LHFPL5: variants seen among roughly 807,000 people sequenced by gnomAD.
LHFPL5 encodes LHFPL tetraspan subfamily member 5.
A neutral mutation model predicts 18.7 loss-of-function variants in LHFPL5; 12 were observed. The observed-to-expected ratio is 0.64, with a 90% CI of 0.41 to 1.04. The LOEUF is 1.04. LHFPL5 is among the 50% of genes least tolerant of loss of function. LHFPL5 has a pLI of 0.00. For synonymous variants in LHFPL5, 111 were observed against 120.2 expected (o/e 0.92, Z 0.50); for missense variants, 259 against 292.1 (o/e 0.89, Z 0.83).
chr6:35,805,363 T>C lies in LHFPL5; in HGVS notation c.-308T>C, dbSNP rs1182478764. The C allele has an allele frequency of 1.4e-5, 5 of 366,266 alleles. No individual in the cohort carries two copies. Among genetic ancestry groups the C allele is most frequent in the South Asian group, 3.0e-5 (1 of 32,976 alleles). 22.7% of individuals were successfully genotyped at this position (366,266 alleles called of 1,614,324 possible). ...GAGGGGGCGGGGCTCTCGGGAGCCGTGAGCCGGGAAGAGGGAGACGGGCAG... is the reference window on the plus strand; with the variant it reads ...GAGGGGGCGGGGCTCTCGGGAGCCGCGAGCCGGGAAGAGGGAGACGGGCAG... On this transcript the variant is annotated 5_prime_UTR_variant, in exon 1 of 4. Transcript: ENST00000360215. The surrounding 1 kb of genome is among the most constrained non-coding windows in gnomAD (Gnocchi z 4.3).
At chr6:35,813,027 C>T (rs1768693071) in intron 1 of LHFPL5, among the ~76,000 whole-genome samples, 1 of 151,928 alleles carries the variant, frequency 6.6e-6, no homozygotes, top group Non-Finnish European at 1.5e-5. Flanking sequence ...TGCACTCCAG[C>T]CTGGGCGACA....
Position 35,814,859 on chromosome 6 carries a change from C to G in LHFPL5, c.649+77C>G. ...GGGTGGGGGTTCATCTTAGCCAGTCCTCTAAGGCTTGGTCCCTGGCCAAGG... is the reference window on the plus strand; with the variant it reads ...GGGTGGGGGTTCATCTTAGCCAGTCGTCTAAGGCTTGGTCCCTGGCCAAGG... On this transcript the variant is annotated intron_variant, in intron 2 of 3. Coordinates refer to ENST00000360215, the MANE Select transcript of LHFPL5 (RefSeq NM_182548.4). The surrounding 1 kb of genome is among the most constrained non-coding windows in gnomAD (Gnocchi z 4.2). 7.5e-7 allele frequency: 1 copy of G among 1,325,990 alleles called. No homozygotes were observed. The highest frequency in any genetic ancestry group is 1.1e-6 in the Non-Finnish European group (1 of 918,776). The allele number at this position is 1,325,990 out of a possible 1,614,324, so 82.1% of individuals were successfully genotyped here.
intron 1 of LHFPL5, among the ~76,000 whole-genome samples, chr6:35,808,342 A>G (rs961425757): frequency 6.8e-6 from 1 of 146,360 alleles, no homozygotes; most frequent in African/African-American, 2.5e-5. Context: ...AATAAATAAT[A>G]TATATAAATA....
chr6:35,821,166 T>C (rs1271573693), intron 3 of LHFPL5, among the ~76,000 whole-genome samples: 1 of 152,002 alleles, frequency 6.6e-6, no homozygotes, highest in Non-Finnish European at 1.5e-5. Flanking sequence ...TAGCTGGGTG[T>C]GGTGGCATGC....
At chr6:35,806,971 C>T (rs116390945) in intron 1 of LHFPL5, among the ~76,000 whole-genome samples, 2 of 152,076 alleles carry the variant, frequency 1.3e-5, no homozygotes, top group South Asian at 2.1e-4. Context: ...ACTCCAGGTG[C>T]GCACCACCAT....
rs1393599562 is a variant in LHFPL5, at chr6:35,823,414, C to CATATATAT, written c.*450_*451insTATATATA. 1.6e-5 allele frequency: 2 copies of CATATATAT among 124,174 alleles called. No homozygotes were observed. Among genetic ancestry groups the CATATATAT allele is most frequent in the African/African-American group, 6.4e-5 (2 of 31,122 alleles). The allele number at this position is 124,174 out of a possible 1,614,324, so 7.7% of individuals were successfully genotyped here. On this transcript the variant is annotated 3_prime_UTR_variant, in exon 4 of 4. Coordinates refer to ENST00000360215, the MANE Select transcript of LHFPL5 (RefSeq NM_182548.4). ...ACACACACACACACACACACACACA[C>CATATATAT]ACACACACACATACATACACACACA...
At position 35,816,034 on chromosome 6, in the gene LHFPL5, G is replaced by T. The variant is rs1048481805; in HGVS notation, c.649+1252G>T. 2.6e-5 allele frequency among the ~76,000 whole-genome samples: 4 copies of T among 152,122 alleles called. No individual in the cohort carries two copies. The South Asian group carries it at 6.2e-4, about 24-fold the overall frequency. On this transcript the variant is annotated intron_variant, in intron 2 of 3. Coordinates refer to ENST00000360215, the MANE Select transcript of LHFPL5 (RefSeq NM_182548.4). ...AAAATACAAAAAATTAGCCGGGTGCGGTGGCGGGCGCCTGTAGTCCCAGCT... is the reference window on the plus strand; with the variant it reads ...AAAATACAAAAAATTAGCCGGGTGCTGTGGCGGGCGCCTGTAGTCCCAGCT...
chr6:35,816,540 A>T (rs1768764532), intron 2 of LHFPL5, among the ~76,000 whole-genome samples: 1 of 152,086 alleles, frequency 6.6e-6, no homozygotes, highest in African/African-American at 2.4e-5. Flanking sequence ...GGCTGGGTGC[A>T]GAGGCTTATG....
Position 35,805,526 on chromosome 6 carries a change from T to C in LHFPL5, c.-145T>C, listed in dbSNP as rs1768553335. 1.3e-6 allele frequency: 1 copy of C among 754,522 alleles called. No homozygotes were observed. Among genetic ancestry groups the C allele is most frequent in the Admixed American group, 2.2e-5 (1 of 45,460 alleles). The allele number at this position is 754,522 out of a possible 1,614,324, so 46.7% of individuals were successfully genotyped here. A position where few individuals can be genotyped will look rare whatever the true frequency, so the allele number is the denominator to read the frequency against. On this transcript the variant is annotated 5_prime_UTR_variant, in exon 1 of 4. Transcript: ENST00000360215. This position sits in a 1 kb window ranked among gnomAD's most constrained non-coding sequence, Gnocchi z 4.3. ...CCTTGTCCTATTAAGCCTCTTCCCC[T>C]TGCCTTGAAGGGACCTCACCTGGTG...
In LHFPL5 at chr6:35,805,784, A is replaced by C; in HGVS notation, c.114A>C (p.Val38=). 15 of 1,614,218 alleles carry C rather than the reference A, an allele frequency of 9.3e-6. No individual in the cohort carries two copies. The highest frequency in any genetic ancestry group is 1.3e-5 in the Non-Finnish European group (15 of 1,180,030). Reference sequence around the variant, plus strand: ...GTACCCTCACCATCTGCTTCTCCGTACTGGTCATGGCCCTCTTCATCCAGC... The same window carrying C: ...GTACCCTCACCATCTGCTTCTCCGTCCTGGTCATGGCCCTCTTCATCCAGC... The part of the protein sequence containing the change: ...MWGTLTICFS[V]LVMALFIQPY... The change falls in exon 1 of 4, where the codon GTA becomes GTC. Residue 38 remains valine, a synonymous_variant. Transcript: ENST00000360215. This position sits in a 1 kb window ranked among gnomAD's most constrained non-coding sequence, Gnocchi z 4.3.
At chr6:35,817,139 G>A (rs956911563) in intron 2 of LHFPL5, among the ~76,000 whole-genome samples, 4 of 152,090 alleles carry the variant, frequency 2.6e-5, no homozygotes, top group African/African-American at 9.7e-5. Context: ...GGCTAACATA[G>A]TGAAACCCTG....
chr6:35,819,971 G>T (rs2766529), intron 3 of LHFPL5, among the ~76,000 whole-genome samples: 1 of 152,148 alleles, frequency 6.6e-6, no homozygotes, highest in African/African-American at 2.4e-5. Flanking sequence ...GAGCCCACGC[G>T]CCTGGCCTTA....
rs727503133 is a variant in LHFPL5, at chr6:35,805,884, G to A, written c.214G>A (p.Val72Met). ...CCTTTTCTCCTACTGCGTGGGTAAC[G>A]TGCTGTCCTCCGAGCTCATCTGCAA... ...FGLFSYCVGNVLSSELICKGG... is the reference protein window; with the variant it reads ...FGLFSYCVGNMLSSELICKGG... The change falls in exon 1 of 4, where the codon GTG (valine) becomes ATG (methionine). Residue 72 changes from valine (V) to methionine (M), a missense_variant. Transcript: ENST00000360215. The surrounding 1 kb of genome is among the most constrained non-coding windows in gnomAD (Gnocchi z 4.3). The A allele has an allele frequency of 1.2e-6, 2 of 1,614,196 alleles. No individual in the cohort carries two copies. The highest frequency in any genetic ancestry group is 1.7e-6 in the Non-Finnish European group (2 of 1,180,022).
intron 2 of LHFPL5, among the ~76,000 whole-genome samples, chr6:35,817,921 A>G (rs1474782303): frequency 4.6e-5 from 7 of 152,254 alleles, no homozygotes; most frequent in African/African-American, 1.4e-4. Flanking sequence ...ATGGCAGCAT[A>G]ATAGCCAAAA....
chr6:35,817,294 C>G (rs1449650407), intron 2 of LHFPL5, among the ~76,000 whole-genome samples: 1 of 151,862 alleles, frequency 6.6e-6, no homozygotes, highest in Non-Finnish European at 1.5e-5. Flanking sequence ...GCACTCTAGC[C>G]TGGGCAACAG....
intron 3 of LHFPL5, among the ~76,000 whole-genome samples, chr6:35,821,121 T>C (rs1253095248): frequency 2.0e-5 from 3 of 151,996 alleles, no homozygotes; most frequent in Non-Finnish European, 2.9e-5. Context: ...CTGGCCAACA[T>C]TGGGAAACCC....
At position 35,814,764 on chromosome 6, in the gene LHFPL5, T is replaced by A. The variant is rs762494966; in HGVS notation, c.631T>A (p.Tyr211Asn). Residue 211 changes from tyrosine to asparagine, a missense_variant, in exon 2 of 4, where the codon TAC becomes AAC. Tyr to Asn is a moderately radical substitution (Grantham distance 143). Transcript: ENST00000360215. This position sits in a 1 kb window ranked among gnomAD's most constrained non-coding sequence, Gnocchi z 4.2. ...YRQDKLLPDD[Y>N]KADGTEEV ...GCAGGACAAGCTCCTCCCTGACGAC[T>A]ACAAGGCAGATGGAACCGGTAATCA... The A allele has an allele frequency of 6.2e-7, 1 of 1,614,008 alleles. No homozygotes were observed. Among genetic ancestry groups the A allele is most frequent in the South Asian group, 1.1e-5 (1 of 91,086 alleles).
At chr6:35,808,020 A>G (rs1047000609) in intron 1 of LHFPL5, among the ~76,000 whole-genome samples, 5 of 152,160 alleles carry the variant, frequency 3.3e-5, no homozygotes, top group Non-Finnish European at 7.3e-5. Flanking sequence ...TCTTGCACCC[A>G]GGCTACTCAC....
At position 35,814,757 on chromosome 6, in the gene LHFPL5, TGAC is replaced by T; in HGVS notation, c.628_630del (p.Asp210del). 6.2e-7 allele frequency: 1 copy of T among 1,614,060 alleles called. No individual in the cohort carries two copies. Among genetic ancestry groups the T allele is most frequent in the Non-Finnish European group, 8.5e-7 (1 of 1,179,996 alleles). On this transcript the variant is annotated inframe_deletion, in exon 2 of 4. Coordinates refer to ENST00000360215, the MANE Select transcript of LHFPL5 (RefSeq NM_182548.4). This position sits in a 1 kb window ranked among gnomAD's most constrained non-coding sequence, Gnocchi z 4.2. ...GCTACCGGCAGGACAAGCTCCTCCCTGACGACTACAAGGCAGATGGAACCGGTA... is the reference window on the plus strand; with the variant it reads ...GCTACCGGCAGGACAAGCTCCTCCCTGACTACAAGGCAGATGGAACCGGTA...
Sources: allele counts gnomAD v4.1 joint callset (sites outside exome capture counted in the v4.1 genomes callset), GRCh38; gene constraint gnomAD v4.1.1; non-coding constraint Gnocchi (gnomAD v3.1); transcripts MANE v1.5; gene names NCBI Gene and HGNC (gene_info 2026-07-23, HGNC 2026-07-21).